The following ASPRV1 variants were observed in gnomAD, a reference collection of about 807,000 sequenced individuals.
ASPRV1 encodes retroviral-like aspartic protease 1.
A neutral mutation model predicts 11.0 loss-of-function variants in ASPRV1; 7 were observed. The ratio of observed to expected loss-of-function variants is 0.64; its 90% CI spans 0.36 to 1.20. ASPRV1 has a LOEUF of 1.20. ASPRV1 is among the 50% of genes most tolerant of loss of function. The pLI is 0.02. For missense variants in ASPRV1, 299 were observed against 320.0 expected (o/e 0.93, Z 0.50); for synonymous variants, 136 against 138.4 (o/e 0.98, Z 0.12).
At chr2:69,974,002 G>C in the ASPRV1 span, among the ~76,000 whole-genome samples, 1 of 152,162 alleles carries the variant, frequency 6.6e-6, no homozygotes, top group African/African-American at 2.4e-5. Flanking sequence ...TTCCACAGAT[G>C]TAATAGATGT....
chr2:70,020,082 T>C, the ASPRV1 span, among the ~76,000 whole-genome samples: 7 of 151,984 alleles, frequency 4.6e-5, no homozygotes, highest in African/African-American at 1.7e-4. Flanking sequence ...TTTTTAAAAA[T>C]CAAAAATAAC....
At chr2:70,009,311 C>CTTAT in the ASPRV1 span, among the ~76,000 whole-genome samples, 18,990 of 147,530 alleles carry the variant, frequency 0.13, 1,790 homozygotes, top group African/African-American at 0.26. Context: ...AATTTATTGT[C>CTTAT]TTATTTATTT....
the ASPRV1 span, among the ~76,000 whole-genome samples, chr2:70,041,980 A>G: frequency 6.6e-6 from 1 of 152,176 alleles, no homozygotes; most frequent in Non-Finnish European, 1.5e-5. Context: ...TAGTAACATT[A>G]TCTTCATCTG....
chr2:69,963,047 C>T (rs1047923504), upstream of ASPRV1: 2 of 347,598 alleles, frequency 5.8e-6, no homozygotes, highest in African/African-American at 4.3e-5. Context: ...TGCCATGCAT[C>T]ACCCAGTGCC....
At chr2:69,982,819 G>A in the ASPRV1 span, among the ~76,000 whole-genome samples, 1 of 152,216 alleles carries the variant, frequency 6.6e-6, no homozygotes, top group East Asian at 1.9e-4. Flanking sequence ...GATGCCCTGA[G>A]CAGATGGCAT....
At chr2:70,029,734 G>GT in the ASPRV1 span, among the ~76,000 whole-genome samples, 1 of 152,124 alleles carries the variant, frequency 6.6e-6, no homozygotes, top group Non-Finnish European at 1.5e-5. Context: ...TCAGAAGCAG[G>GT]TAAGCACACC....
At chr2:70,027,824 TAGA>T in the ASPRV1 span, among the ~76,000 whole-genome samples, 3 of 152,320 alleles carry the variant, frequency 2.0e-5, no homozygotes, top group Non-Finnish European at 4.4e-5. Context: ...TCAAAATAAC[TAGA>T]AGATTTAGAA....
chr2:69,938,047 T>A, the ASPRV1 span: 1 of 1,576,788 alleles, frequency 6.3e-7, no homozygotes. Context: ...ACGCCTGAGC[T>A]TTCTGCAGAG....
chr2:69,988,786 T>G, the ASPRV1 span: 2 of 456,698 alleles, frequency 4.4e-6, no homozygotes, highest in South Asian at 3.1e-5. Flanking sequence ...CGAAGAGTAG[T>G]GTTAACTCTG....
the ASPRV1 span, among the ~76,000 whole-genome samples, chr2:70,084,224 T>C: frequency 3.9e-5 from 6 of 152,336 alleles, no homozygotes; most frequent in African/African-American, 7.2e-5. Flanking sequence ...AAATTTTCTC[T>C]AGAGAAAAGA....
chr2:69,957,747 A>G (rs1291694506), downstream of ASPRV1, among the ~76,000 whole-genome samples: 1 of 152,022 alleles, frequency 6.6e-6, no homozygotes, highest in Non-Finnish European at 1.5e-5. Context: ...GGTAGATGCC[A>G]CTGGAATTTA....
the ASPRV1 span, among the ~76,000 whole-genome samples, chr2:70,078,664 G>A: frequency 6.6e-6 from 1 of 152,194 alleles, no homozygotes; most frequent in Admixed American, 6.5e-5. Flanking sequence ...ACAGCACAAG[G>A]GGAAGTGGTA....
the ASPRV1 span, among the ~76,000 whole-genome samples, chr2:70,082,438 C>T: frequency 3.5e-4 from 53 of 152,054 alleles, no homozygotes; most frequent in African/African-American, 1.2e-3. Flanking sequence ...AGGCCGGGTG[C>T]GGTGGCTCAC....
At chr2:70,023,967 G>A in the ASPRV1 span, among the ~76,000 whole-genome samples, 4 of 151,816 alleles carry the variant, frequency 2.6e-5, no homozygotes, top group African/African-American at 9.7e-5. Context: ...AAAAAAGGCT[G>A]AGGCCAGGCA....
the ASPRV1 span, chr2:69,941,544 C>T: frequency 1.3e-4 from 20 of 152,154 alleles, no homozygotes; most frequent in Non-Finnish European, 2.4e-4. Context: ...AGTAGGCCCT[C>T]GTCCTGCAGT....
Position 69,960,393 on chromosome 2 carries a change from T to C in ASPRV1, c.*264A>G, listed in dbSNP as rs1678039302. The C allele has an allele frequency of 2.2e-6, 1 of 447,912 alleles. No individual in the cohort carries two copies. Among genetic ancestry groups the C allele is most frequent in the Non-Finnish European group, 4.0e-6 (1 of 248,828 alleles). The allele number at this position is 447,912 out of a possible 1,614,324, so 27.7% of individuals were successfully genotyped here. A position where few individuals can be genotyped will look rare whatever the true frequency, so the allele number is the denominator to read the frequency against. On this transcript the variant is annotated 3_prime_UTR_variant, in exon 1 of 1. Transcript: ENST00000320256. ...CTTGGGAGCTCTTCCAGCCTTTGAG[T>C]CTTTGTCATCAACAGCAGCTTGATG...
the ASPRV1 span, among the ~76,000 whole-genome samples, chr2:70,009,338 A>ATTTAT: frequency 1.3e-5 from 2 of 151,194 alleles, no homozygotes; most frequent in Non-Finnish European, 2.9e-5. Context: ...TTATTTATTT[A>ATTTAT]TTTATTTTAG....
chr2:70,042,410 A>G, the ASPRV1 span, among the ~76,000 whole-genome samples: 19 of 152,174 alleles, frequency 1.2e-4, no homozygotes, highest in African/African-American at 4.3e-4. Flanking sequence ...CTAGTATCAG[A>G]TAAGTGACCT....
At chr2:70,067,483 T>C in the ASPRV1 span, among the ~76,000 whole-genome samples, 3 of 152,334 alleles carry the variant, frequency 2.0e-5, no homozygotes, top group African/African-American at 4.8e-5. Context: ...GGAAATACCT[T>C]AATGTCTTCA....
Sources: allele counts gnomAD v4.1 joint callset (sites outside exome capture counted in the v4.1 genomes callset), GRCh38; gene constraint gnomAD v4.1.1; transcripts MANE v1.5; gene names NCBI Gene and HGNC (gene_info 2026-07-23, HGNC 2026-07-21).